The following RECQL5 variants were observed in gnomAD, a reference collection of about 807,000 sequenced individuals.
RECQL5 encodes the protein RecQ like helicase 5.
A neutral mutation model predicts 103.4 loss-of-function variants in RECQL5; 88 were observed. That is an observed-to-expected ratio of 0.85 (90% confidence interval 0.72 to 1.02). The LOEUF is 1.02. Ranked by LOEUF, RECQL5 falls within the 50% of genes least tolerant of loss-of-function variation. The pLI is 0.00. For missense variants in RECQL5, 1,232 were observed against 1,284.3 expected, an observed-to-expected ratio of 0.96 and a Z score of 0.62; for synonymous variants, 552 against 507.9, an observed-to-expected ratio of 1.09 and a Z score of -1.17.
chr17:75,662,462 C>T lies in RECQL5; in HGVS notation c.771+17G>A, dbSNP rs2148343061. ...CACTGCTCTAACAGCTGCTTGGCCT[C>T]CACCTCAATGCCTCACCCCTTTATC... On this transcript the variant is annotated intron_variant, in intron 4 of 19. Transcript: ENST00000317905. The T allele has an allele frequency of 1.9e-6, 3 of 1,607,388 alleles. No individual in the cohort carries two copies. The highest frequency in any genetic ancestry group is 2.6e-6 in the Non-Finnish European group (3 of 1,175,554).
At chr17:75,647,737 A>G in intron 8 of RECQL5, 1 of 654,876 alleles carries the variant, frequency 1.5e-6, no homozygotes, top group Admixed American at 3.1e-5. Flanking sequence ...GGTTGGTCAG[A>G]CTAGTAAGAT....
At position 75,640,705 on chromosome 17, in the gene RECQL5, T is replaced by C; in HGVS notation, c.1230-9037A>G. 1.3e-6 allele frequency: 2 copies of C among 1,509,252 alleles called. No homozygotes were observed. The highest frequency in any genetic ancestry group is 2.5e-5 in the East Asian group (1 of 40,250). 93.5% of individuals were successfully genotyped at this position (1,509,252 alleles called of 1,614,324 possible). Reference sequence around the variant, plus strand: ...CACCAAACCTGTGGGGGAAAGACCCTGGCAGGCAGTGGGTTTCTCTGGGAG... The same window carrying C: ...CACCAAACCTGTGGGGGAAAGACCCCGGCAGGCAGTGGGTTTCTCTGGGAG... On this transcript the variant is annotated intron_variant, in intron 8 of 19. Transcript: ENST00000317905. The surrounding 1 kb of genome is among the most constrained non-coding windows in gnomAD (Gnocchi z 4.6).
Position 75,640,205 on chromosome 17 carries a change from G to A in RECQL5, c.1230-8537C>T. On this transcript the variant is annotated intron_variant, in intron 8 of 19. Coordinates refer to ENST00000317905, the MANE Select transcript of RECQL5 (RefSeq NM_004259.7). The surrounding 1 kb of genome is among the most constrained non-coding windows in gnomAD (Gnocchi z 4.6). ...CCCAACAGGAAGCCAGCGCGGCATG[G>A]CTGCCACCGACTTCGTGCAGGAGAT... 1 of 1,547,494 alleles carries A rather than the reference G, an allele frequency of 6.5e-7. No individual in the cohort carries two copies.
chr17:75,666,544 T>C lies in RECQL5; in HGVS notation c.14A>G (p.His5Arg), dbSNP rs764221723. The stretch of plus-strand genomic sequence containing the variant: ...CTCAGGGTCAAAAGGAAAGGTGGTA[T>C]GGTGGCTGCTCATCTTAGCCAAGAA... MSSH[H>R]TTFPFDPERR... Residue 5 changes from histidine (H) to arginine (R), a missense_variant, in exon 2 of 20, where the codon CAT becomes CGT. His to Arg is a conservative substitution (Grantham distance 29, BLOSUM62 0). Coordinates refer to ENST00000317905, the MANE Select transcript of RECQL5 (RefSeq NM_004259.7). 1.2e-6 allele frequency: 2 copies of C among 1,614,046 alleles called. No homozygotes were observed. The highest frequency in any genetic ancestry group is 2.2e-5 in the East Asian group (1 of 44,886).
intron 8 of RECQL5, chr17:75,650,798 G>T: frequency 6.4e-7 from 1 of 1,553,610 alleles, no homozygotes. Context: ...GCTTCTGTGT[G>T]GGTCCTGGAT....
Position 75,661,080 on chromosome 17 carries a change from G to T in RECQL5, c.875-14C>A, listed in dbSNP as rs1393889236. ...AGGCCTTCAGCCCTGTAAAGGAGGG[G>T]AAGATGGAGAAGGGAACTCACATTT... On this transcript the variant is annotated splice_polypyrimidine_tract_variant and intron_variant, in intron 5 of 19. Transcript: ENST00000317905. 6.3e-7 allele frequency: 1 copy of T among 1,597,366 alleles called. No homozygotes were observed. The highest frequency in any genetic ancestry group is 1.7e-5 in the Admixed American group (1 of 60,016).
intron 3 of RECQL5, among the ~76,000 whole-genome samples, chr17:75,664,054 CAAAAAAAAA>C (rs34569441): frequency 0.013 from 1,392 of 105,700 alleles, 16 homozygotes; most frequent in Non-Finnish European, 0.019. Flanking sequence ...AACTCCATCT[CAAAAAAAAA>C]AAAAAAAAAA....
In RECQL5 at chr17:75,635,284, C is replaced by G. The variant is rs545895545; in HGVS notation, c.1230-3616G>C. Among the ~76,000 whole-genome samples, 5 of 152,052 alleles carry G rather than the reference C, an allele frequency of 3.3e-5. No individual in the cohort carries two copies. In the East Asian group the frequency reaches 9.6e-4, roughly 29 times the overall value. The stretch of plus-strand genomic sequence containing the variant: ...GGGAAGAGTCAGGCCAGGTCGGGGT[C>G]GGGGCACAGCGGTGAGCCTGGAGAC... On this transcript the variant is annotated intron_variant, in intron 8 of 19. Coordinates refer to ENST00000317905, the MANE Select transcript of RECQL5 (RefSeq NM_004259.7).
rs543957768 is a variant in RECQL5 at position 75,658,961 on chromosome 17, G to T, written c.987-501C>A. ...TTTGTACAAGGTTACACAGTAAAGG[G>T]TCAGCAGAGCTAGAATTTGGGCCTA... On this transcript the variant is annotated intron_variant, in intron 6 of 19. Transcript: ENST00000317905. Among the ~76,000 whole-genome samples the T allele has an allele frequency of 5.9e-5, 9 of 152,298 alleles. No individual in the cohort carries two copies. In the South Asian group the frequency reaches 1.9e-3, roughly 32 times the overall value.
chr17:75,628,539 T>C, intron 17 of RECQL5, 97 bp from the exon 18 acceptor site: 1 of 1,525,894 alleles, frequency 6.6e-7, no homozygotes, highest in East Asian at 2.4e-5. Context: ...GCTGCCTCTC[T>C]CCAGCCCAGC....
intron 8 of RECQL5, chr17:75,633,702 C>A: frequency 2.6e-6 from 3 of 1,132,296 alleles, no homozygotes; most frequent in Non-Finnish European, 3.3e-6. Flanking sequence ...AAGGGGTGGC[C>A]TTCCTGAGGG....
In RECQL5 at chr17:75,661,122, G is replaced by A. The variant is rs891619088; in HGVS notation, c.875-56C>T. 11 of 1,444,086 alleles carry A rather than the reference G, an allele frequency of 7.6e-6. No individual in the cohort carries two copies. The African/African-American group carries it at 1.4e-4, about 18-fold the overall frequency. 89.5% of individuals were successfully genotyped at this position (1,444,086 alleles called of 1,614,324 possible). A position where few individuals can be genotyped will look rare whatever the true frequency, so the allele number is the denominator to read the frequency against. ...CTCACATTTCCCTTGGGTTTACCGG[G>A]GGCCTATTTTGGGTTTGACACTGTG... is the stretch of plus-strand genomic sequence containing the variant. On this transcript the variant is annotated intron_variant, in intron 5 of 19. Transcript: ENST00000317905.
Position 75,647,259 on chromosome 17 carries a change from CGGCTGCTCACAGA to C in RECQL5, c.1229+3914_1229+3926del, listed in dbSNP as rs564528874. 1.7e-5 allele frequency: 15 copies of C among 877,678 alleles called. No homozygotes were observed. In the Admixed American group the frequency reaches 3.7e-4, roughly 22 times the overall value. The allele number at this position is 877,678 out of a possible 1,614,324, so 54.4% of individuals were successfully genotyped here. On this transcript the variant is annotated intron_variant, in intron 8 of 19. Coordinates refer to ENST00000317905, the MANE Select transcript of RECQL5 (RefSeq NM_004259.7). Reference sequence around the variant, plus strand: ...CATGTCCCCTGGCTGCCAGGCGGGCCGGCTGCTCACAGAGGCTGCTACAGAGGCTGGAGTCGGC... The same window carrying C: ...CATGTCCCCTGGCTGCCAGGCGGGCCGGCTGCTACAGAGGCTGGAGTCGGC...
chr17:75,635,015 G>A (rs569809116), intron 8 of RECQL5, among the ~76,000 whole-genome samples: 8 of 152,304 alleles, frequency 5.3e-5, no homozygotes, highest in South Asian at 2.1e-4. Context: ...GGCAGGGCCC[G>A]TGAGCCGAGG....
intron 18 of RECQL5, among the ~76,000 whole-genome samples, chr17:75,627,968 G>A (rs578052776): frequency 2.0e-5 from 3 of 150,482 alleles, no homozygotes; most frequent in African/African-American, 7.4e-5. Context: ...GCAGTGAGCT[G>A]AAATCGCACC....
At chr17:75,634,726 C>T (rs991431947) in intron 8 of RECQL5, among the ~76,000 whole-genome samples, 1 of 152,226 alleles carries the variant, frequency 6.6e-6, no homozygotes, top group Non-Finnish European at 1.5e-5. Flanking sequence ...GCTCACGGCT[C>T]AGCCTGGGTC....
chr17:75,646,039 G>C (rs560754204), intron 8 of RECQL5, among the ~76,000 whole-genome samples: 1 of 152,350 alleles, frequency 6.6e-6, no homozygotes, highest in Non-Finnish European at 1.5e-5. Flanking sequence ...GTATATGGTG[G>C]CCACTAGGTT....
rs777283585 is a variant in RECQL5 at position 75,640,769 on chromosome 17, G to A, written c.1230-9101C>T. On this transcript the variant is annotated intron_variant, in intron 8 of 19. Coordinates refer to ENST00000317905, the MANE Select transcript of RECQL5 (RefSeq NM_004259.7). This position sits in a 1 kb window ranked among gnomAD's most constrained non-coding sequence, Gnocchi z 4.6. ...CTTTCTCTCCCCCAACCTGAGTCCC[G>A]TGCTCTCTCCCGGCCCTCCAGCTAC... is the stretch of plus-strand genomic sequence containing the variant. 10 of 1,547,216 alleles carry A rather than the reference G, an allele frequency of 6.5e-6. No homozygotes were observed. Among genetic ancestry groups the A allele is most frequent in the East Asian group, 4.9e-5 (2 of 40,822 alleles).
chr17:75,666,810 G>A (rs376865740), intron 1 of RECQL5: 2 of 454,418 alleles, frequency 4.4e-6, no homozygotes, highest in Non-Finnish European at 3.9e-6. Flanking sequence ...CCACGGTATA[G>A]CACAGAGCTA....
Sources: gnomAD v4.1 joint callset for allele counts (sites outside exome capture counted in the v4.1 genomes callset) on GRCh38, gnomAD v4.1.1 for gene constraint, Gnocchi (gnomAD v3.1) non-coding constraint, MANE v1.5 for transcripts, NCBI Gene and HGNC (gene_info 2026-07-23, HGNC 2026-07-21) for gene names.